KALRN: variants seen among roughly 807,000 people sequenced by gnomAD.
The protein encoded by KALRN is kalirin RhoGEF kinase.
KALRN carries 70 observed loss-of-function variants against 353.7 expected under a neutral mutation model. The ratio of observed to expected loss-of-function variants is 0.20; its 90% CI spans 0.16 to 0.24. The LOEUF (loss-of-function observed/expected upper bound fraction) is 0.24. Ranked by LOEUF, KALRN falls within the 10% of genes least tolerant of loss-of-function variation. The pLI, the probability that KALRN is intolerant of heterozygous loss-of-function variation, is 1.00. For missense variants in KALRN, 2,791 were observed against 3,756.7 expected (o/e 0.74, Z 6.72); for synonymous variants, 1,391 against 1,434.8 (o/e 0.97, Z 0.69).
intron 3 of KALRN, among the ~76,000 whole-genome samples, chr3:124,255,185 C>G (rs2148802228): frequency 6.6e-6 from 1 of 152,312 alleles, no homozygotes; most frequent in Admixed American, 6.5e-5. Flanking sequence ...CTCAAGTGAT[C>G]TGCCCGCCTC....
At chr3:124,291,264 C>CATTG (rs1560477823) in intron 5 of KALRN, among the ~76,000 whole-genome samples, 1 of 152,182 alleles carries the variant, frequency 6.6e-6, no homozygotes, top group Non-Finnish European at 1.5e-5. Flanking sequence ...CTGCAATGAA[C>CATTG]ATTGCAGTTA....
At chr3:124,174,019 A>G (rs944542273) in intron 1 of KALRN, among the ~76,000 whole-genome samples, 2 of 152,200 alleles carry the variant, frequency 1.3e-5, no homozygotes, top group African/African-American at 4.8e-5. Context: ...GCTTTGGAAG[A>G]AAATATATAA....
At chr3:124,656,338 C>T (rs531151124) in intron 39 of KALRN, among the ~76,000 whole-genome samples, 4 of 152,226 alleles carry the variant, frequency 2.6e-5, no homozygotes, top group Middle Eastern at 6.8e-3. Context: ...CGGCCGGGTG[C>T]GGTGGCTCAT....
chr3:124,315,040 TC>T (rs1227188689), intron 6 of KALRN, among the ~76,000 whole-genome samples: 6 of 151,996 alleles, frequency 3.9e-5, no homozygotes, highest in African/African-American at 1.5e-4. Flanking sequence ...AAGGGATCTG[TC>T]CCCCTGACCC....
chr3:124,704,893 T>A (rs937793117), intron 57 of KALRN, among the ~76,000 whole-genome samples: 1 of 152,192 alleles, frequency 6.6e-6, no homozygotes, highest in African/African-American at 2.4e-5. Flanking sequence ...AGGAAAGATA[T>A]CTGTGCCAGG....
At chr3:124,615,773 G>T (rs1265364899) in intron 34 of KALRN, among the ~76,000 whole-genome samples, 1 of 152,200 alleles carries the variant, frequency 6.6e-6, no homozygotes, top group Non-Finnish European at 1.5e-5. Flanking sequence ...GCTCCCGGTA[G>T]CAAGGAGGCC....
intron 34 of KALRN, among the ~76,000 whole-genome samples, chr3:124,623,747 A>G (rs2079594989): frequency 6.6e-6 from 1 of 152,186 alleles, no homozygotes; most frequent in African/African-American, 2.4e-5. Flanking sequence ...ACCCAGGATC[A>G]ATACTTTGCA....
intron 5 of KALRN, among the ~76,000 whole-genome samples, chr3:124,288,491 T>G (rs2076144372): frequency 6.6e-6 from 1 of 152,206 alleles, no homozygotes; most frequent in Non-Finnish European, 1.5e-5. Context: ...GGAATAGGAC[T>G]GTGATGTGAA....
At chr3:124,717,469 A>C (rs779694455) in intron 59 of KALRN, 84 bp downstream of exon 59, 4 of 903,814 alleles carry the variant, frequency 4.4e-6, no homozygotes, top group Admixed American at 5.3e-5. Context: ...GGCGGATCAC[A>C]AGGTCAGGAG....
At chr3:124,274,986 A>G (rs1180560161) in intron 5 of KALRN, among the ~76,000 whole-genome samples, 1 of 152,192 alleles carries the variant, frequency 6.6e-6, no homozygotes, top group Non-Finnish European at 1.5e-5. Context: ...CAATTGTGAG[A>G]CATTAGGCAC....
chr3:124,208,143 C>T (rs978268517), intron 1 of KALRN, among the ~76,000 whole-genome samples: 86 of 152,346 alleles, frequency 5.6e-4, no homozygotes, highest in African/African-American at 2.0e-3. Flanking sequence ...TGAGGACCTG[C>T]GCTTTCTCCT....
At chr3:124,235,254 G>A (rs1409122628) in intron 3 of KALRN, among the ~76,000 whole-genome samples, 1 of 152,152 alleles carries the variant, frequency 6.6e-6, no homozygotes, top group African/African-American at 2.4e-5. Context: ...TGCCCCCAAA[G>A]AGAGTGAAAA....
At chr3:124,146,895 G>GA (rs2067431428) in intron 1 of KALRN, among the ~76,000 whole-genome samples, 1 of 54,196 alleles carries the variant, frequency 1.8e-5, no homozygotes, top group Non-Finnish European at 3.7e-5. Flanking sequence ...AAAAAAAAAA[G>GA]AAAAGAAAAA....
chr3:124,619,878 T>A (rs1254218966), intron 34 of KALRN, among the ~76,000 whole-genome samples: 1 of 152,198 alleles, frequency 6.6e-6, no homozygotes, highest in Admixed American at 6.5e-5. Context: ...TGTGCTAGGG[T>A]TCCCTTTTCT....
At chr3:124,399,380 C>T (rs1347144163) in intron 13 of KALRN, among the ~76,000 whole-genome samples, 1 of 152,158 alleles carries the variant, frequency 6.6e-6, no homozygotes, top group Non-Finnish European at 1.5e-5. Context: ...TCAGGTGATC[C>T]GCCTGCCTCA....
At chr3:124,658,994 T>C (rs558108062) in intron 42 of KALRN, among the ~76,000 whole-genome samples, 1 of 152,166 alleles carries the variant, frequency 6.6e-6, no homozygotes, top group Non-Finnish European at 1.5e-5. Flanking sequence ...TGTTTGGAGA[T>C]CTAAGTTTAG....
At chr3:124,507,099 C>A (rs1220848621) in intron 33 of KALRN, among the ~76,000 whole-genome samples, 1 of 152,034 alleles carries the variant, frequency 6.6e-6, no homozygotes, top group Non-Finnish European at 1.5e-5. Context: ...AAGAAAAATT[C>A]TTCTTGAAAA....
Position 124,347,371 on chromosome 3 carries a change from C to CTGTGTGTG in KALRN, c.1770+132_1770+139dup, listed in dbSNP as rs10663884. ...TTGAAGAGGTGGCTCAGGTGAGAAG[C>CTGTGTGTG]TGTGTGTGTGTGTGTGTGTGTGTGT... On this transcript the variant is annotated intron_variant, in intron 10 of 59. Transcript: ENST00000682506. 3.9e-3 allele frequency: 2,192 copies of CTGTGTGTG among 564,052 alleles called. 272 individuals carry two copies. The highest frequency in any genetic ancestry group is 0.035 in the African/African-American group (699 of 20,086). The allele number at this position is 564,052 out of a possible 1,614,324, so 34.9% of individuals were successfully genotyped here. A position where few individuals can be genotyped will look rare whatever the true frequency, so the allele number is the denominator to read the frequency against.
intron 51 of KALRN, among the ~76,000 whole-genome samples, chr3:124,687,563 G>A (rs114253953): frequency 0.011 from 1,730 of 151,934 alleles, 26 homozygotes; most frequent in African/African-American, 0.039. Context: ...GGGATATTTG[G>A]ACTAGAAATA....
Sources: allele counts gnomAD v4.1 joint callset (sites outside exome capture counted in the v4.1 genomes callset), GRCh38; gene constraint gnomAD v4.1.1; transcripts MANE v1.5; gene names NCBI Gene and HGNC (gene_info 2026-07-23, HGNC 2026-07-21).